Variants in KIAA1549L observed in about 807,000 individuals in gnomAD.
KIAA1549L encodes the protein KIAA1549 like, also known as UPF0606 protein KIAA1549L.
In KIAA1549L, 88 loss-of-function variants were observed where a neutral mutation model predicts 160.7. That is an observed-to-expected ratio of 0.55 (90% CI 0.46 to 0.65). The LOEUF is 0.65. Among genes scored for constraint, KIAA1549L ranks in the 30% least tolerant of loss-of-function variants. The pLI, the probability that KIAA1549L is intolerant of heterozygous loss-of-function variation, is 0.00. For missense variants in KIAA1549L, 2,258 were observed against 2,437.5 expected, an observed-to-expected ratio of 0.93 and a Z score of 1.55; for synonymous variants, 950 against 976.7, an observed-to-expected ratio of 0.97 and a Z score of 0.51.
chr11:33,587,479 T>C (rs902262282), intron 11 of KIAA1549L, among the ~76,000 whole-genome samples: 3 of 152,232 alleles, frequency 2.0e-5, no homozygotes, highest in Non-Finnish European at 4.4e-5. Flanking sequence ...TGAGCTTTTG[T>C]TTTCTTATCT....
At chr11:33,452,850 G>C (rs1851749286) in intron 1 of KIAA1549L, among the ~76,000 whole-genome samples, 1 of 152,172 alleles carries the variant, frequency 6.6e-6, no homozygotes, top group Non-Finnish European at 1.5e-5. Flanking sequence ...TGCTTTGCAA[G>C]GACCTGGAGG....
chr11:33,562,063 C>T (rs1241458173), intron 8 of KIAA1549L, among the ~76,000 whole-genome samples: 1 of 152,162 alleles, frequency 6.6e-6, no homozygotes, highest in Non-Finnish European at 1.5e-5. Flanking sequence ...GATGGAAAGC[C>T]TTTTTGGACT....
At chr11:33,591,206 A>G (rs1850041293) in intron 11 of KIAA1549L, 31 bp from the exon 12 acceptor site, 1 of 1,559,164 alleles carries the variant, frequency 6.4e-7, no homozygotes, top group East Asian at 2.3e-5. Flanking sequence ...TTCGCTAGAA[A>G]TACGACTGCA....
At chr11:33,506,665 A>G (rs918740781) in intron 1 of KIAA1549L, among the ~76,000 whole-genome samples, 1 of 151,126 alleles carries the variant, frequency 6.6e-6, no homozygotes, top group Non-Finnish European at 1.5e-5. Context: ...GCAGTGAGCT[A>G]TGAGTGCATC....
chr11:33,435,810 A>ATATATT, intron 1 of KIAA1549L, among the ~76,000 whole-genome samples: 1 of 27,202 alleles, frequency 3.7e-5, no homozygotes, highest in East Asian at 1.9e-3. Flanking sequence ...ATATATATAT[A>ATATATT]TGTGTGTGTA....
intron 1 of KIAA1549L, among the ~76,000 whole-genome samples, chr11:33,422,222 G>C (rs1590233353): frequency 6.6e-6 from 1 of 152,118 alleles, no homozygotes; most frequent in South Asian, 2.1e-4. Context: ...TGGAATCCCT[G>C]GGAGTGGGGC....
intron 1 of KIAA1549L, among the ~76,000 whole-genome samples, chr11:33,415,414 G>A (rs12793781): frequency 0.14 from 20,589 of 152,102 alleles, 1,832 homozygotes; most frequent in East Asian, 0.28. Flanking sequence ...AGAATGTGTC[G>A]CTGTACTGTC....
chr11:33,578,699 C>T (rs1356822877), intron 10 of KIAA1549L, among the ~76,000 whole-genome samples: 8 of 152,302 alleles, frequency 5.3e-5, no homozygotes, highest in East Asian at 1.9e-4. Context: ...CTTTTCCAGC[C>T]GTGTGGCCTG....
chr11:33,636,390 C>T (rs1356040429), intron 16 of KIAA1549L, among the ~76,000 whole-genome samples: 1 of 150,666 alleles, frequency 6.6e-6, no homozygotes, highest in African/African-American at 2.4e-5. Context: ...GCTGTGTCAC[C>T]CAGGCTGGAT....
intron 15 of KIAA1549L, among the ~76,000 whole-genome samples, chr11:33,617,908 C>T (rs1365353849): frequency 9.6e-5 from 14 of 146,292 alleles, no homozygotes; most frequent in Admixed American, 6.8e-4. Context: ...GATGGATGGA[C>T]GGATGGACGG....
intron 9 of KIAA1549L, among the ~76,000 whole-genome samples, chr11:33,571,627 C>T (rs1009110801): frequency 1.3e-5 from 2 of 152,062 alleles, no homozygotes; most frequent in African/African-American, 2.4e-5. Flanking sequence ...GGAGGCTCCA[C>T]GCACATTAAA....
chr11:33,579,245 A>T (rs1273720426), intron 10 of KIAA1549L, among the ~76,000 whole-genome samples: 5 of 152,168 alleles, frequency 3.3e-5, no homozygotes, highest in Non-Finnish European at 7.4e-5. Flanking sequence ...GGCTTGGTGC[A>T]GTCCTGGGGC....
intron 1 of KIAA1549L, among the ~76,000 whole-genome samples, chr11:33,467,491 G>A (rs1852087701): frequency 6.6e-6 from 1 of 152,216 alleles, no homozygotes; most frequent in Non-Finnish European, 1.5e-5. Context: ...CTTGGTTGGT[G>A]TAGAAGTTCC....
At chr11:33,644,174 G>T (rs909187747) in intron 16 of KIAA1549L, among the ~76,000 whole-genome samples, 1 of 152,138 alleles carries the variant, frequency 6.6e-6, no homozygotes, top group African/African-American at 2.4e-5. Flanking sequence ...AGACTTAGAG[G>T]CTGATAGAAA....
intron 1 of KIAA1549L, among the ~76,000 whole-genome samples, chr11:33,529,832 C>T (rs1209281618): frequency 1.3e-5 from 2 of 152,120 alleles, no homozygotes; most frequent in Non-Finnish European, 2.9e-5. Flanking sequence ...GAAAAGTACT[C>T]TAATAGAGCT....
At chr11:33,660,580 A>C (rs1444233691) in intron 19 of KIAA1549L, among the ~76,000 whole-genome samples, 6 of 151,278 alleles carry the variant, frequency 4.0e-5, no homozygotes. Context: ...AAAAAAAGAA[A>C]GAAGACCAGG....
At chr11:33,413,253 C>T (rs1850818846) in intron 1 of KIAA1549L, among the ~76,000 whole-genome samples, 1 of 140,964 alleles carries the variant, frequency 7.1e-6, no homozygotes, top group Non-Finnish European at 1.5e-5. Flanking sequence ...TATTTGAACA[C>T]AGATTTTTTT....
chr11:33,384,407 A>G (rs771083495), intron 1 of KIAA1549L, among the ~76,000 whole-genome samples: 4 of 152,216 alleles, frequency 2.6e-5, no homozygotes, highest in Non-Finnish European at 5.9e-5. Flanking sequence ...AGTTTATGAC[A>G]TGGAAGTCTT....
At chr11:33,428,085 C>T (rs560221564) in intron 1 of KIAA1549L, among the ~76,000 whole-genome samples, 1 of 152,148 alleles carries the variant, frequency 6.6e-6, no homozygotes, top group East Asian at 1.9e-4. Context: ...TATGAATGTA[C>T]AAGTTTTTGT....
Sources: allele counts gnomAD v4.1 joint callset (sites outside exome capture counted in the v4.1 genomes callset), GRCh38; gene constraint gnomAD v4.1.1; transcripts MANE v1.5; gene names NCBI Gene and HGNC (gene_info 2026-07-23, HGNC 2026-07-21).